Variants in DSTN observed in about 807,000 individuals in gnomAD.
DSTN encodes destrin, actin depolymerizing factor.
In DSTN, 10 loss-of-function variants were observed where a neutral mutation model predicts 16.8. That is an observed-to-expected ratio of 0.60 (90% CI 0.37 to 1.01). DSTN has a LOEUF of 1.01. Among genes scored for constraint, DSTN ranks in the 50% least tolerant of loss-of-function variants. The pLI is 0.01. For synonymous variants in DSTN, 57 were observed against 58.9 expected (o/e 0.97, Z 0.14); for missense variants, 141 against 196.7 (o/e 0.72, Z 1.69).
At chr20:17,578,750 C>T (rs1211379067) in intron 1 of DSTN, among the ~76,000 whole-genome samples, 1 of 151,898 alleles carries the variant, frequency 6.6e-6, no homozygotes. Flanking sequence ...CGCTTGAGGT[C>T]GGGAGTTCGA....
Position 17,570,107 on chromosome 20 carries a change from T to A in DSTN, c.-102T>A. 6.7e-7 allele frequency: 1 copy of A among 1,489,596 alleles called. No homozygotes were observed. The allele number at this position is 1,489,596 out of a possible 1,614,324, so 92.3% of individuals were successfully genotyped here. ...GGTAAGCTCGCGCCGCCGCGTCAGC[T>A]CAGCGCTGGGTCTCTCGGTCCCGCA... is the stretch of plus-strand genomic sequence containing the variant. On this transcript the variant is annotated 5_prime_UTR_variant, in exon 1 of 4. Coordinates refer to ENST00000246069, the MANE Select transcript of DSTN (RefSeq NM_006870.4).
At chr20:17,600,658 A>T in intron 1 of DSTN, 80 bp from the exon 2 acceptor site, 1 of 1,410,864 alleles carries the variant, frequency 7.1e-7, no homozygotes, top group East Asian at 2.5e-5. Flanking sequence ...ATATATGCCA[A>T]TCTATAAGCA....
intron 1 of DSTN, among the ~76,000 whole-genome samples, chr20:17,595,382 C>T (rs920599676): frequency 2.6e-5 from 4 of 152,194 alleles, no homozygotes; most frequent in African/African-American, 9.7e-5. Context: ...CACCTCAAAA[C>T]TGTCATTTTC....
At chr20:17,604,004 CTTTTT>C (rs919712970) in intron 2 of DSTN, among the ~76,000 whole-genome samples, 29 of 151,830 alleles carry the variant, frequency 1.9e-4, no homozygotes, top group African/African-American at 5.3e-4. Flanking sequence ...CTTTTTTGTC[CTTTTT>C]TTTAAGTTTT....
chr20:17,609,560 G>A lies in DSTN; in HGVS notation c.*2414G>A, dbSNP rs764094755. The A allele has an allele frequency of 9.2e-5, 14 of 152,206 alleles. No homozygotes were observed. The highest frequency in any genetic ancestry group is 1.8e-4 in the Non-Finnish European group (12 of 68,042). The allele number at this position is 152,206 out of a possible 1,614,324, so 9.4% of individuals were successfully genotyped here. On this transcript the variant is annotated 3_prime_UTR_variant, in exon 4 of 4. Coordinates refer to ENST00000246069, the MANE Select transcript of DSTN (RefSeq NM_006870.4). ...TCTTCTGTGGGAAGGATTTCAAACA[G>A]TACAAAGGGATGTGATGTAAGCATC...
At position 17,608,803 on chromosome 20, in the gene DSTN, ATGGTT is replaced by A; in HGVS notation, c.*1658_*1662del. The stretch of plus-strand genomic sequence containing the variant: ...ACATTGTCCTACCACATGCCATCAC[ATGGTT>A]AGCATTTTGATACACAGCTGTGCAT... On this transcript the variant is annotated 3_prime_UTR_variant, in exon 4 of 4. Transcript: ENST00000246069. 6.6e-6 allele frequency: 1 copy of A among 152,334 alleles called. No homozygotes were observed. The allele number at this position is 152,334 out of a possible 1,614,324, so 9.4% of individuals were successfully genotyped here.
chr20:17,587,771 A>G (rs553738433), intron 1 of DSTN, among the ~76,000 whole-genome samples: 3 of 152,220 alleles, frequency 2.0e-5, no homozygotes, highest in Non-Finnish European at 4.4e-5. Context: ...TCTGAGGCAG[A>G]AAACTATGAA....
intron 1 of DSTN, among the ~76,000 whole-genome samples, chr20:17,587,208 A>G: frequency 6.6e-6 from 1 of 152,056 alleles, no homozygotes; most frequent in Non-Finnish European, 1.5e-5. Flanking sequence ...GGAATAAAAA[A>G]AAAAAAAAAA....
At chr20:17,571,968 C>A (rs983234582) in intron 1 of DSTN, among the ~76,000 whole-genome samples, 11 of 152,110 alleles carry the variant, frequency 7.2e-5, no homozygotes, top group African/African-American at 2.4e-4. Flanking sequence ...AGATTATAGA[C>A]CCCCCATTTT....
chr20:17,574,878 T>TTTTG (rs1156820179), intron 1 of DSTN, among the ~76,000 whole-genome samples: 4 of 130,778 alleles, frequency 3.1e-5, no homozygotes, highest in Admixed American at 7.7e-5. Flanking sequence ...TTGTTTTTTT[T>TTTTG]TTTTTTTTTT....
At chr20:17,593,526 T>TA (rs1221055182) in intron 1 of DSTN, among the ~76,000 whole-genome samples, 2 of 152,236 alleles carry the variant, frequency 1.3e-5, no homozygotes, top group Non-Finnish European at 2.9e-5. Flanking sequence ...GTGGTGGAGA[T>TA]ACATGATCTT....
chr20:17,595,119 A>G (rs578123625), intron 1 of DSTN, among the ~76,000 whole-genome samples: 2 of 152,268 alleles, frequency 1.3e-5, no homozygotes, highest in South Asian at 4.1e-4. Flanking sequence ...CCACACTGCC[A>G]TCAGCCTCTG....
At chr20:17,593,923 A>T (rs991658361) in intron 1 of DSTN, among the ~76,000 whole-genome samples, 2 of 151,440 alleles carry the variant, frequency 1.3e-5, no homozygotes, top group Admixed American at 6.6e-5. Context: ...TACAAAAAAA[A>T]TTTTAAAAAT....
chr20:17,575,350 T>C (rs2035266850), intron 1 of DSTN, among the ~76,000 whole-genome samples: 1 of 152,244 alleles, frequency 6.6e-6, no homozygotes, highest in Non-Finnish European at 1.5e-5. Context: ...GCGTTGATTT[T>C]GTCCACAGAA....
chr20:17,574,741 A>T lies in DSTN; in HGVS notation c.3+4530A>T, dbSNP rs867320860. On this transcript the variant is annotated intron_variant, in intron 1 of 3. Transcript: ENST00000246069. ...ACTCAGTCTCAAAAAAAAAAAAAAA[A>T]AAAAAATTAAAAGTCTAAAAAACAA... 2.0e-3 allele frequency among the ~76,000 whole-genome samples: 298 copies of T among 149,268 alleles called. 4 individuals are homozygous for T. Among genetic ancestry groups the T allele is most frequent in the Non-Finnish European group, 3.0e-3 (204 of 67,138 alleles).
intron 1 of DSTN, among the ~76,000 whole-genome samples, chr20:17,592,802 A>T (rs2035483957): frequency 6.6e-6 from 1 of 152,120 alleles, no homozygotes; most frequent in South Asian, 2.1e-4. Flanking sequence ...CAGTCCAGTG[A>T]TTGTCAACTA....
intron 1 of DSTN, among the ~76,000 whole-genome samples, chr20:17,573,088 C>G (rs1400119295): frequency 6.6e-6 from 1 of 152,166 alleles, no homozygotes; most frequent in Non-Finnish European, 1.5e-5. Flanking sequence ...ACCTGTTTCC[C>G]AGAACACAAA....
At chr20:17,584,164 G>T (rs1321569351) in intron 1 of DSTN, among the ~76,000 whole-genome samples, 2 of 152,042 alleles carry the variant, frequency 1.3e-5, no homozygotes, top group African/African-American at 4.8e-5. Flanking sequence ...AAATTTCATG[G>T]TATATAGAAT....
intron 1 of DSTN, among the ~76,000 whole-genome samples, chr20:17,574,359 C>T (rs991113600): frequency 1.3e-5 from 2 of 152,066 alleles, no homozygotes; most frequent in Admixed American, 1.3e-4. Context: ...TTTTTAGGCC[C>T]CTGGTAGTGG....
Sources: gnomAD v4.1 joint callset for allele counts (sites outside exome capture counted in the v4.1 genomes callset) on GRCh38, gnomAD v4.1.1 for gene constraint, MANE v1.5 for transcripts, NCBI Gene and HGNC (gene_info 2026-07-23, HGNC 2026-07-21) for gene names.